HSPD1: variants seen among roughly 807,000 people sequenced by gnomAD.
HSPD1 encodes the protein 60 kDa heat shock protein, mitochondrial.
HSPD1 carries 3 observed loss-of-function variants against 53.0 expected under a neutral mutation model. The observed-to-expected ratio is 0.06, with a 90% CI of 0.03 to 0.15. The LOEUF (loss-of-function observed/expected upper bound fraction) is 0.15, where lower values mean the gene tolerates loss of function less well. HSPD1 is among the 10% of genes least tolerant of loss of function. The probability of loss-of-function intolerance (pLI) is 1.00; values close to 1 mark genes in which losing one functional copy is unlikely to be tolerated. For synonymous variants in HSPD1, 200 were observed against 228.0 expected, an observed-to-expected ratio of 0.88 and a Z score of 1.10; for missense variants, 431 against 694.1, an observed-to-expected ratio of 0.62 and a Z score of 4.26.
At chr2:197,487,634 C>A (rs1393240482) in intron 11 of HSPD1, among the ~76,000 whole-genome samples, 2 of 152,208 alleles carry the variant, frequency 1.3e-5, no homozygotes, top group Non-Finnish European at 2.9e-5. Flanking sequence ...TGCCTCCAGG[C>A]ATGGACTCAA....
At position 197,489,313 on chromosome 2, in the gene HSPD1, A is replaced by T. The variant is rs187751424; in HGVS notation, c.970-66T>A. The T allele has an allele frequency of 4.8e-6, 7 of 1,471,368 alleles. No individual in the cohort carries two copies. In the East Asian group the frequency reaches 1.4e-4, roughly 29 times the overall value. The allele number at this position is 1,471,368 out of a possible 1,614,324, so 91.1% of individuals were successfully genotyped here. A position where few individuals can be genotyped will look rare whatever the true frequency, so the allele number is the denominator to read the frequency against. Reference sequence around the variant, plus strand: ...TTTCTGCCATTATACCAAGTTTATTAATACACCATGCAAGAGAATCATCAA... The same window carrying T: ...TTTCTGCCATTATACCAAGTTTATTTATACACCATGCAAGAGAATCATCAA... On this transcript the variant is annotated intron_variant, in intron 8 of 11. Coordinates refer to ENST00000388968, the MANE Select transcript of HSPD1 (RefSeq NM_002156.5).
At chr2:197,492,714 A>T (rs1246356126) in intron 7 of HSPD1, among the ~76,000 whole-genome samples, 1 of 151,716 alleles carries the variant, frequency 6.6e-6, no homozygotes, top group East Asian at 1.9e-4. Flanking sequence ...AAAAATAAAA[A>T]ATAAAAAAAT....
At chr2:197,492,613 T>C (rs896184163) in intron 7 of HSPD1, among the ~76,000 whole-genome samples, 6 of 151,904 alleles carry the variant, frequency 3.9e-5, no homozygotes, top group African/African-American at 4.8e-5. Flanking sequence ...AAAAACAAGA[T>C]TGACACTTGA....
chr2:197,493,631 A>G, intron 6 of HSPD1, 139 bp from the exon 7 acceptor site: 2 of 681,930 alleles, frequency 2.9e-6, no homozygotes, highest in Non-Finnish European at 5.3e-6. Flanking sequence ...ATATGCATTA[A>G]CTTTTGGAAT....
At chr2:197,498,606 A>AG (rs1241482455) in intron 2 of HSPD1, 69 bp downstream of exon 2, 3 of 1,316,678 alleles carry the variant, frequency 2.3e-6, no homozygotes, top group Non-Finnish European at 3.3e-6. Flanking sequence ...TGAATAGTTC[A>AG]GTGCGACTAT....
At chr2:197,499,676 A>C (rs1489654629) in intron 1 of HSPD1, 106 bp downstream of exon 1, 2 of 151,764 alleles carry the variant, frequency 1.3e-5, no homozygotes, top group Non-Finnish European at 2.9e-5. Flanking sequence ...CGCGGTGCGG[A>C]ACTCCAGGTT....
intron 4 of HSPD1, 130 bp from the exon 5 acceptor site, chr2:197,494,882 G>A: frequency 1.4e-6 from 1 of 715,346 alleles, no homozygotes; most frequent in South Asian, 1.5e-5. Flanking sequence ...TTTACGTTAT[G>A]GTAGTTTTCA....
At chr2:197,496,036 C>A (rs988756707) in intron 3 of HSPD1, among the ~76,000 whole-genome samples, 1 of 152,074 alleles carries the variant, frequency 6.6e-6, no homozygotes, top group East Asian at 1.9e-4. Context: ...CAAAAAAGGA[C>A]CAAAATGGCT....
rs762320773 is a variant in HSPD1, at chr2:197,488,969, C to G, written c.1215+33G>C. ...AGCAAAATCATTCTTGGACTCAGAACCCAAGAAACTTATTCATAATAATGA... is the reference window on the plus strand; with the variant it reads ...AGCAAAATCATTCTTGGACTCAGAAGCCAAGAAACTTATTCATAATAATGA... On this transcript the variant is annotated intron_variant, in intron 9 of 11. Transcript: ENST00000388968. 9 of 1,611,108 alleles carry G rather than the reference C, an allele frequency of 5.6e-6. No individual in the cohort carries two copies. The South Asian group carries it at 7.7e-5, about 14-fold the overall frequency.
At chr2:197,492,542 T>A (rs2086106107) in intron 7 of HSPD1, among the ~76,000 whole-genome samples, 1 of 151,892 alleles carries the variant, frequency 6.6e-6, no homozygotes, top group Non-Finnish European at 1.5e-5. Flanking sequence ...CAAAATAATA[T>A]TCTGAAAATT....
chr2:197,499,187 G>A, intron 1 of HSPD1: 1 of 402,054 alleles, frequency 2.5e-6, no homozygotes, highest in South Asian at 2.3e-5. Context: ...TGTGGCCCCT[G>A]AGAAACCAAG....
chr2:197,496,866 T>C (rs954620216), intron 3 of HSPD1: 2 of 444,494 alleles, frequency 4.5e-6, no homozygotes, highest in Non-Finnish European at 8.3e-6. Flanking sequence ...AGCCCAGGAG[T>C]TCCAGTGCAG....
In HSPD1 at chr2:197,487,032, C is replaced by G. The variant is rs759099027; in HGVS notation, c.*14G>C. On this transcript the variant is annotated 3_prime_UTR_variant, in exon 12 of 12. Transcript: ENST00000388968. ...TCACAGTTCATTAATAAAGGTAAAG[C>G]ACTAGTCTAGGAGTTAGAACATGCC... 4.9e-6 allele frequency: 6 copies of G among 1,213,352 alleles called. No homozygotes were observed. The highest frequency in any genetic ancestry group is 1.5e-5 in the African/African-American group (1 of 66,914). The allele number at this position is 1,213,352 out of a possible 1,614,324, so 75.2% of individuals were successfully genotyped here.
At chr2:197,493,729 C>T (rs1261362063) in intron 6 of HSPD1, among the ~76,000 whole-genome samples, 1 of 152,156 alleles carries the variant, frequency 6.6e-6, no homozygotes, top group Non-Finnish European at 1.5e-5. Flanking sequence ...CTTCAGGAGG[C>T]CAAAGCAGGC....
At position 197,498,949 on chromosome 2, in the gene HSPD1, T is replaced by G. The variant is rs1466418353; in HGVS notation, c.-2-99A>C. 4.7e-6 allele frequency: 5 copies of G among 1,070,738 alleles called. No homozygotes were observed. In the Admixed American group the frequency reaches 1.0e-4, roughly 21 times the overall value. 66.3% of individuals were successfully genotyped at this position (1,070,738 alleles called of 1,614,324 possible). ...CAACAGAGCAAGCAACGTGAGATGCTGAGCCTGGCTGACCTCCGCCAGCCA... is the reference window on the plus strand; with the variant it reads ...CAACAGAGCAAGCAACGTGAGATGCGGAGCCTGGCTGACCTCCGCCAGCCA... On this transcript the variant is annotated intron_variant, in intron 1 of 11. Coordinates refer to ENST00000388968, the MANE Select transcript of HSPD1 (RefSeq NM_002156.5).
At chr2:197,492,709 T>A (rs961127947) in intron 7 of HSPD1, among the ~76,000 whole-genome samples, 23 of 145,382 alleles carry the variant, frequency 1.6e-4, no homozygotes, top group African/African-American at 5.9e-4. Context: ...AAAATAAAAA[T>A]AAAAAATAAA....
chr2:197,487,777 C>G (rs893831790), intron 11 of HSPD1, 81 bp downstream of exon 11: 2 of 1,223,094 alleles, frequency 1.6e-6, no homozygotes, highest in Admixed American at 1.8e-5. Flanking sequence ...TTTCTGGTGA[C>G]AAAATCAAAG....
rs774204945 is a variant in HSPD1, at chr2:197,497,372, C to T, written c.195G>A (p.Glu65=). ...TTACTTTGGGACTTCCCCAACTCTG[C>T]TCAATAATCACTGTTCTTCCCTAGA... is the stretch of plus-strand genomic sequence containing the variant. ...MGPKGRTVII[E]QSWGSPKVTK... The change falls in exon 3 of 12, where the codon GAG becomes GAA. Residue 65 remains glutamate, a synonymous_variant. Coordinates refer to ENST00000388968, the MANE Select transcript of HSPD1 (RefSeq NM_002156.5). The T allele has an allele frequency of 2.1e-5, 34 of 1,613,546 alleles. No homozygotes were observed. In the Admixed American group the frequency reaches 5.7e-4, roughly 27 times the overall value.
intron 2 of HSPD1, among the ~76,000 whole-genome samples, chr2:197,498,099 G>T (rs1034252094): frequency 2.0e-5 from 3 of 152,148 alleles, no homozygotes; most frequent in Non-Finnish European, 4.4e-5. Context: ...AGCATCTTGG[G>T]GTGGAGGAGA....
Sources: gnomAD v4.1 joint callset for allele counts (sites outside exome capture counted in the v4.1 genomes callset) on GRCh38, gnomAD v4.1.1 for gene constraint, MANE v1.5 for transcripts, NCBI Gene and HGNC (gene_info 2026-07-23, HGNC 2026-07-21) for gene names.